SPCS2: variants seen among roughly 807,000 people sequenced by gnomAD.
SPCS2 encodes SPase 25 kDa subunit.
Under a neutral mutation model 22.3 loss-of-function variants are expected in SPCS2, and 3 were observed. The ratio of observed to expected loss-of-function variants is 0.13; its 90% CI spans 0.06 to 0.35. SPCS2 has a LOEUF of 0.35. SPCS2 is among the 10% of genes least tolerant of loss of function. The probability of loss-of-function intolerance (pLI) is 1.00; values close to 1 mark genes in which losing one functional copy is unlikely to be tolerated. For missense variants in SPCS2, 169 were observed against 280.9 expected (o/e 0.60, Z 2.85); for synonymous variants, 67 against 97.2 (o/e 0.69, Z 1.83).
At chr11:74,959,588 C>T (rs1035569102) in intron 1 of SPCS2, among the ~76,000 whole-genome samples, 3 of 152,078 alleles carry the variant, frequency 2.0e-5, no homozygotes, top group African/African-American at 7.2e-5. Flanking sequence ...TTTGTAGATA[C>T]GGAGGAGTCT....
At chr11:74,963,567 GTTTATTTA>G (rs748317090) in intron 1 of SPCS2, 323 of 410,464 alleles carry the variant, frequency 7.9e-4, no homozygotes, top group African/African-American at 3.6e-3. Flanking sequence ...TTGTTTGTTT[GTTTATTTA>G]TTTATTTATT....
chr11:74,962,759 G>A (rs772253653), intron 1 of SPCS2, among the ~76,000 whole-genome samples: 4 of 152,170 alleles, frequency 2.6e-5, no homozygotes, highest in African/African-American at 4.8e-5. Flanking sequence ...CTGTGTTGCC[G>A]TAAAGTCAAA....
In SPCS2 at chr11:74,965,853, G is replaced by A; in HGVS notation, c.289G>A (p.Val97Met). Reference protein sequence around the residue: ...ICTISCFFAIVALIWDYMHPF... With the variant: ...ICTISCFFAIMALIWDYMHPF... Reference sequence around the variant, plus strand: ...TACAATCTCCTGTTTCTTTGCCATAGTGGCTTTGATTTGGGATTATATGCA... The same window carrying A: ...TACAATCTCCTGTTTCTTTGCCATAATGGCTTTGATTTGGGATTATATGCA... The change falls in exon 3 of 5, where the codon GTG becomes ATG. Residue 97 changes from valine (V) to methionine (M), a missense_variant. This residue lies in a region of SPCS2 where 118 missense variants were observed against 243.1 expected (regional missense o/e 0.49). Coordinates refer to ENST00000263672, the MANE Select transcript of SPCS2 (RefSeq NM_014752.3). 2 of 1,613,462 alleles carry A rather than the reference G, an allele frequency of 1.2e-6. No homozygotes were observed. The highest frequency in any genetic ancestry group is 1.7e-4 in the Middle Eastern group (1 of 6,054).
At chr11:74,964,573 A>G (rs1456371051) in intron 1 of SPCS2, among the ~76,000 whole-genome samples, 1 of 152,188 alleles carries the variant, frequency 6.6e-6, no homozygotes, top group Non-Finnish European at 1.5e-5. Flanking sequence ...AAATTCATGT[A>G]TCTGTATTTT....
At chr11:74,961,406 G>A (rs1948513504) in intron 1 of SPCS2, among the ~76,000 whole-genome samples, 2 of 152,178 alleles carry the variant, frequency 1.3e-5, no homozygotes, top group Admixed American at 1.3e-4. Flanking sequence ...TTAAAATAAA[G>A]TAGCCTGACT....
At chr11:74,962,035 T>C (rs1948517417) in intron 1 of SPCS2, among the ~76,000 whole-genome samples, 1 of 152,202 alleles carries the variant, frequency 6.6e-6, no homozygotes, top group Non-Finnish European at 1.5e-5. Context: ...GCACTTAACA[T>C]CTTTGAACTC....
rs1388660153 is a variant in SPCS2, at chr11:74,978,884, A to G, written c.*1841A>G. The stretch of plus-strand genomic sequence containing the variant: ...GCCTTTTTCTTTACATGTGCATGCA[A>G]ACATGTGTCTCCACATACATTTTTT... On this transcript the variant is annotated 3_prime_UTR_variant, in exon 5 of 5. Transcript: ENST00000263672. 1.3e-5 allele frequency: 2 copies of G among 152,286 alleles called. No individual in the cohort carries two copies. The highest frequency in any genetic ancestry group is 3.4e-3 in the Middle Eastern group (1 of 294). The allele number at this position is 152,286 out of a possible 1,614,324, so 9.4% of individuals were successfully genotyped here.
intron 4 of SPCS2, among the ~76,000 whole-genome samples, chr11:74,973,098 A>G (rs1019078615): frequency 3.9e-5 from 6 of 152,160 alleles, no homozygotes; most frequent in Non-Finnish European, 7.4e-5. Context: ...CTCTGAGGAC[A>G]TATTTCCACT....
intron 1 of SPCS2, chr11:74,949,726 C>T: frequency 6.6e-6 from 3 of 453,314 alleles, no homozygotes; most frequent in South Asian, 4.7e-5. Flanking sequence ...TGTCAGTGCC[C>T]ATTTCACAGA....
At chr11:74,949,515 G>A (rs1416009396) in intron 1 of SPCS2, 116 bp downstream of exon 1, 5 of 914,300 alleles carry the variant, frequency 5.5e-6, no homozygotes, top group Middle Eastern at 4.3e-4. Flanking sequence ...GAGCCCTTGT[G>A]TGACCACTAT....
intron 4 of SPCS2, 85 bp from the exon 5 acceptor site, chr11:74,976,772 T>G: frequency 6.4e-7 from 1 of 1,559,490 alleles, no homozygotes; most frequent in Non-Finnish European, 8.8e-7. Context: ...TTACTCCTTT[T>G]CTTCGGAAAC....
At chr11:74,955,850 A>ATTAGT (rs1948474796) in intron 1 of SPCS2, among the ~76,000 whole-genome samples, 1 of 97,760 alleles carries the variant, frequency 1.0e-5, no homozygotes, top group South Asian at 3.3e-4. Context: ...TTACTAATTA[A>ATTAGT]AATATATATA....
rs541577774 is a variant in SPCS2 at position 74,965,785 on chromosome 11, A to G, written c.221A>G (p.Tyr74Cys). ...AKKVLLEKYKYVENFGLIDGR... is the reference protein window; with the variant it reads ...AKKVLLEKYKCVENFGLIDGR... ...CAGGTACTTCTGGAAAAATACAAAT[A>G]TGTGGAGAATTTTGGTCTAATTGAT... The change falls in exon 3 of 5, where the codon TAT (tyrosine) becomes TGT (cysteine). Residue 74 changes from tyrosine (Y) to cysteine (C), a missense_variant. Coordinates refer to ENST00000263672, the MANE Select transcript of SPCS2 (RefSeq NM_014752.3). The G allele has an allele frequency of 6.2e-7, 1 of 1,612,808 alleles. No individual in the cohort carries two copies. Among genetic ancestry groups the G allele is most frequent in the Non-Finnish European group, 8.5e-7 (1 of 1,179,140 alleles).
intron 3 of SPCS2, among the ~76,000 whole-genome samples, chr11:74,966,905 C>G (rs1462789256): frequency 6.6e-6 from 1 of 152,072 alleles, no homozygotes; most frequent in Non-Finnish European, 1.5e-5. Flanking sequence ...CGGGCACATG[C>G]CACCATGTCT....
intron 1 of SPCS2, among the ~76,000 whole-genome samples, chr11:74,959,870 T>C (rs896942041): frequency 6.6e-6 from 1 of 152,384 alleles, no homozygotes; most frequent in East Asian, 1.9e-4. Flanking sequence ...TAAGCACTTA[T>C]GGAGTTCCTG....
rs201499486 is a variant in SPCS2 at position 74,976,958 on chromosome 11, A to G, written c.596A>G (p.His199Arg). The change falls in exon 5 of 5, where the codon CAC becomes CGC. Residue 199 changes from histidine to arginine, a missense_variant. Around this residue, in one of 2 missense-constraint regions of SPCS2, gnomAD observed 118 missense variants for 243.1 expected, o/e 0.49. Coordinates refer to ENST00000263672, the MANE Select transcript of SPCS2 (RefSeq NM_014752.3). ...FTKSIAKFFDHSGTLVMDAYE... is the reference protein window; with the variant it reads ...FTKSIAKFFDRSGTLVMDAYE... ...AAGTCCATTGCTAAGTTTTTTGACC[A>G]CAGTGGGACACTGGTCATGGATGCA... is the stretch of plus-strand genomic sequence containing the variant. 17 of 1,609,750 alleles carry G rather than the reference A, an allele frequency of 1.1e-5. No homozygotes were observed. The highest frequency in any genetic ancestry group is 1.4e-5 in the Non-Finnish European group (16 of 1,176,434).
At chr11:74,972,457 G>GC (rs1335062523) in intron 4 of SPCS2, among the ~76,000 whole-genome samples, 2 of 152,118 alleles carry the variant, frequency 1.3e-5, no homozygotes, top group Non-Finnish European at 2.9e-5. Context: ...TCCTGGGCCC[G>GC]CCCCCTCCTC....
intron 1 of SPCS2, among the ~76,000 whole-genome samples, chr11:74,951,088 A>G (rs548387641): frequency 2.6e-5 from 4 of 152,350 alleles, no homozygotes; most frequent in Admixed American, 6.5e-5. Context: ...AGTATAGAAT[A>G]CTATTATTAT....
intron 4 of SPCS2, among the ~76,000 whole-genome samples, chr11:74,970,077 G>A (rs1948575189): frequency 6.6e-6 from 1 of 152,218 alleles, no homozygotes; most frequent in Non-Finnish European, 1.5e-5. Flanking sequence ...AATATCTGGA[G>A]CAGTGCACTG....
Sources: allele counts gnomAD v4.1 joint callset (sites outside exome capture counted in the v4.1 genomes callset), GRCh38; gene constraint gnomAD v4.1.1; regional missense constraint gnomAD v4.1.1; transcripts MANE v1.5; gene names NCBI Gene and HGNC (gene_info 2026-07-23, HGNC 2026-07-21).